The following SLAIN2 variants were observed in gnomAD, a reference collection of about 807,000 sequenced individuals.
SLAIN2 encodes the protein SLAIN family member 2, also known as SLAIN motif-containing protein 2.
SLAIN2 carries 31 observed loss-of-function variants against 56.6 expected under a neutral mutation model. The observed-to-expected ratio is 0.55, with a 90% CI of 0.41 to 0.74. SLAIN2 has a LOEUF of 0.74. SLAIN2 is among the 30% of genes least tolerant of loss of function. SLAIN2 has a pLI of 0.00. For synonymous variants in SLAIN2, 317 were observed against 284.9 expected (o/e 1.11, Z -1.13); for missense variants, 777 against 754.2 (o/e 1.03, Z -0.35).
At chr4:48,350,780 G>A (rs1204284158) in intron 1 of SLAIN2, among the ~76,000 whole-genome samples, 1 of 152,082 alleles carries the variant, frequency 6.6e-6, no homozygotes, top group Non-Finnish European at 1.5e-5. Flanking sequence ...AGAAATTGCA[G>A]AACAGTTTAC....
chr4:48,384,111 C>T (rs963836227), intron 6 of SLAIN2, among the ~76,000 whole-genome samples: 4 of 152,048 alleles, frequency 2.6e-5, no homozygotes, highest in African/African-American at 9.7e-5. Flanking sequence ...AAATAAAAAC[C>T]AGTAGAGCAT....
intron 2 of SLAIN2, among the ~76,000 whole-genome samples, chr4:48,372,015 TACATATATAC>T (rs1397025576): frequency 6.7e-6 from 1 of 149,038 alleles, no homozygotes; most frequent in Non-Finnish European, 1.5e-5. Context: ...CACACACATA[TACATATATAC>T]ACATATATAT....
In SLAIN2 at chr4:48,373,568, G is replaced by A. The variant is rs143426572; in HGVS notation, c.538+3571G>A. 3.8e-3 allele frequency among the ~76,000 whole-genome samples: 571 copies of A among 151,876 alleles called. 6 individuals are homozygous for A. Among genetic ancestry groups the A allele is most frequent in the South Asian group, 0.033 (157 of 4,814 alleles). On this transcript the variant is annotated intron_variant, in intron 2 of 7. Transcript: ENST00000264313. The stretch of plus-strand genomic sequence containing the variant: ...TACATTATAAAGAAAAATGAACACT[G>A]TACTGGCACTTAATGGAGTTTATCA...
intron 1 of SLAIN2, among the ~76,000 whole-genome samples, chr4:48,364,811 A>C (rs1419700324): frequency 7.6e-6 from 1 of 132,258 alleles, no homozygotes; most frequent in Admixed American, 7.6e-5. Flanking sequence ...CCGAGATGGC[A>C]GCAGTACAGT....
At chr4:48,367,262 G>A (rs1159579596) in intron 1 of SLAIN2, among the ~76,000 whole-genome samples, 3 of 152,280 alleles carry the variant, frequency 2.0e-5, no homozygotes, top group East Asian at 1.9e-4. Context: ...ACGGGCCAAC[G>A]CCCTTTGTTT....
intron 2 of SLAIN2, among the ~76,000 whole-genome samples, chr4:48,372,214 T>C (rs1334825633): frequency 1.3e-5 from 2 of 152,132 alleles, no homozygotes; most frequent in African/African-American, 4.8e-5. Flanking sequence ...ACTGAAGTTA[T>C]GGCAGTGAAT....
intron 6 of SLAIN2, chr4:48,387,380 C>G (rs1716127914): frequency 6.6e-6 from 1 of 151,834 alleles, no homozygotes; most frequent in East Asian, 1.9e-4. Context: ...ATTACTTTTC[C>G]TTTTTTTCCC....
chr4:48,362,370 T>A lies in SLAIN2; in HGVS notation c.390-7479T>A, dbSNP rs546540893. Reference sequence around the variant, plus strand: ...GAACTTTTCTTTCTGGGAAGGTTTTTAAATTTATTTATTTCTCTCTCTCTC... The same window carrying A: ...GAACTTTTCTTTCTGGGAAGGTTTTAAAATTTATTTATTTCTCTCTCTCTC... On this transcript the variant is annotated intron_variant, in intron 1 of 7. Coordinates refer to ENST00000264313, the MANE Select transcript of SLAIN2 (RefSeq NM_020846.2). 9.9e-5 allele frequency among the ~76,000 whole-genome samples: 15 copies of A among 152,192 alleles called. No homozygotes were observed. The East Asian group carries it at 2.7e-3, about 27-fold the overall frequency.
Position 48,420,362 on chromosome 4 carries a change from G to T in SLAIN2, c.1598G>T (p.Arg533Ile). ...LTRPAGTTAMRSGLPRPSAPS... is the reference protein window; with the variant it reads ...LTRPAGTTAMISGLPRPSAPS... Reference sequence around the variant, plus strand: ...AGACCTGCAGGGACAACTGCAATGAGAAGTGGCTTGCCCAGACCCAGTGCC... The same window carrying T: ...AGACCTGCAGGGACAACTGCAATGATAAGTGGCTTGCCCAGACCCAGTGCC... Residue 533 changes from arginine (R) to isoleucine (I), a missense_variant, in exon 7 of 8, where the codon AGA becomes ATA. Coordinates refer to ENST00000264313, the MANE Select transcript of SLAIN2 (RefSeq NM_020846.2). The T allele has an allele frequency of 6.2e-7, 1 of 1,614,022 alleles. No individual in the cohort carries two copies. The highest frequency in any genetic ancestry group is 8.5e-7 in the Non-Finnish European group (1 of 1,179,874).
chr4:48,414,555 T>A (rs1344127447), intron 6 of SLAIN2, among the ~76,000 whole-genome samples: 1 of 34,698 alleles, frequency 2.9e-5, no homozygotes, highest in African/African-American at 6.2e-5. Context: ...GTGGTATTTT[T>A]TTTTTTTTTT....
intron 6 of SLAIN2, among the ~76,000 whole-genome samples, chr4:48,389,608 T>C (rs1716184357): frequency 6.6e-6 from 1 of 152,194 alleles, no homozygotes; most frequent in Admixed American, 6.5e-5. Flanking sequence ...GGAAAGATAT[T>C]AAAAGATATC....
chr4:48,351,591 C>T (rs1715010378), intron 1 of SLAIN2, among the ~76,000 whole-genome samples: 1 of 152,168 alleles, frequency 6.6e-6, no homozygotes, highest in African/African-American at 2.4e-5. Flanking sequence ...GATGAGCAGG[C>T]ACGGTAAGTC....
At chr4:48,360,153 C>CAAA (rs34874508) in intron 1 of SLAIN2, among the ~76,000 whole-genome samples, 1 of 119,696 alleles carries the variant, frequency 8.4e-6, no homozygotes, top group African/African-American at 3.4e-5. Context: ...GACTCTGTCT[C>CAAA]AAAAAAAAAA....
intron 1 of SLAIN2, among the ~76,000 whole-genome samples, chr4:48,354,477 T>A (rs370446655): frequency 7.5e-6 from 1 of 133,084 alleles, no homozygotes; most frequent in Non-Finnish European, 1.7e-5. Flanking sequence ...TTTTTTTTTT[T>A]CCCCCCTCAG....
At chr4:48,398,813 A>G (rs546577584) in intron 6 of SLAIN2, among the ~76,000 whole-genome samples, 1 of 152,070 alleles carries the variant, frequency 6.6e-6, no homozygotes, top group African/African-American at 2.4e-5. Flanking sequence ...GTAGATGTGC[A>G]GTCTTATTTC....
chr4:48,374,997 A>G (rs376694191), intron 2 of SLAIN2, among the ~76,000 whole-genome samples: 2 of 152,220 alleles, frequency 1.3e-5, no homozygotes, highest in Admixed American at 6.5e-5. Flanking sequence ...GGTGGTGTAT[A>G]TAGGTCTGAA....
intron 2 of SLAIN2, among the ~76,000 whole-genome samples, chr4:48,377,398 C>T (rs186125851): frequency 0.01 from 1,517 of 146,524 alleles, 12 homozygotes; most frequent in Non-Finnish European, 0.015. Flanking sequence ...AAGCTGGTCT[C>T]GAACTCCTGA....
chr4:48,386,990 G>A (rs1348328903), intron 6 of SLAIN2, among the ~76,000 whole-genome samples: 3 of 152,066 alleles, frequency 2.0e-5, no homozygotes, highest in Non-Finnish European at 4.4e-5. Context: ...GTTTGTACTT[G>A]GCTTTCAAAG....
At chr4:48,346,723 G>GT (rs1714876383) in intron 1 of SLAIN2, among the ~76,000 whole-genome samples, 1 of 151,522 alleles carries the variant, frequency 6.6e-6, no homozygotes, top group Admixed American at 6.6e-5. Context: ...GAAGTTTTAT[G>GT]TTTTCTAGAC....
Sources: allele counts gnomAD v4.1 joint callset (sites outside exome capture counted in the v4.1 genomes callset), GRCh38; gene constraint gnomAD v4.1.1; transcripts MANE v1.5; gene names NCBI Gene and HGNC (gene_info 2026-07-23, HGNC 2026-07-21).